The following PPIG variants were observed in gnomAD, a reference collection of about 807,000 sequenced individuals.
PPIG encodes the protein peptidyl-prolyl cis-trans isomerase G.
PPIG carries 26 observed loss-of-function variants against 87.9 expected under a neutral mutation model. The ratio of observed to expected loss-of-function variants is 0.30; its 90% CI spans 0.22 to 0.41. The LOEUF is 0.41. Ranked by LOEUF, PPIG falls within the 10% of genes least tolerant of loss-of-function variation. The probability of loss-of-function intolerance (pLI) is 1.00; values close to 1 mark genes in which losing one functional copy is unlikely to be tolerated. For missense variants in PPIG, 722 were observed against 879.4 expected (o/e 0.82, Z 2.26); for synonymous variants, 308 against 276.5 (o/e 1.11, Z -1.13).
chr2:169,614,759 CACA>C (rs777148029), intron 9 of PPIG, 35 bp downstream of exon 9: 1 of 1,564,012 alleles, frequency 6.4e-7, no homozygotes, highest in Non-Finnish European at 8.6e-7. Context: ...AGAATACTTA[CACA>C]TACAAAATAA....
In PPIG at chr2:169,616,042, C is replaced by T. The variant is rs188586244; in HGVS notation, c.547+1318C>T. Among the ~76,000 whole-genome samples, 233 of 152,226 alleles carry T rather than the reference C, an allele frequency of 1.5e-3. 1 individual carries two copies. The highest frequency in any genetic ancestry group is 2.3e-3 in the Non-Finnish European group (157 of 68,004). Reference sequence around the variant, plus strand: ...GACCCTGGTGTGTGATGTTCCTCTCCGTGTGTACATGTGTTCTCATTGTTC... The same window carrying T: ...GACCCTGGTGTGTGATGTTCCTCTCTGTGTGTACATGTGTTCTCATTGTTC... On this transcript the variant is annotated intron_variant, in intron 9 of 13. Coordinates refer to ENST00000260970, the MANE Select transcript of PPIG (RefSeq NM_004792.3).
chr2:169,626,550 C>T lies in PPIG; in HGVS notation c.548-4224C>T, dbSNP rs1390491676. Among the ~76,000 whole-genome samples the T allele has an allele frequency of 9.2e-5, 14 of 151,840 alleles. 1 individual carries two copies. The highest frequency in any genetic ancestry group is 9.2e-4 in the Admixed American group (14 of 15,236). On this transcript the variant is annotated intron_variant, in intron 9 of 13. Transcript: ENST00000260970. ...GGGATTACAGATACCCTCTACCATACTCAGCTAATTTTTGTATTTTTAGTA... is the reference window on the plus strand; with the variant it reads ...GGGATTACAGATACCCTCTACCATATTCAGCTAATTTTTGTATTTTTAGTA...
intron 6 of PPIG, 112 bp downstream of exon 6, chr2:169,607,260 C>T (rs771277671): frequency 1.6e-5 from 10 of 620,976 alleles, no homozygotes; most frequent in Non-Finnish European, 1.6e-5. Context: ...TGTCTAGCTG[C>T]CTTCAACTAA....
rs1339200920 is a variant in PPIG, at chr2:169,638,058, G to A, written c.*535G>A. 5 of 152,122 alleles carry A rather than the reference G, an allele frequency of 3.3e-5. No individual in the cohort carries two copies. Among genetic ancestry groups the A allele is most frequent in the Non-Finnish European group, 7.3e-5 (5 of 68,050 alleles). 9.4% of individuals were successfully genotyped at this position (152,122 alleles called of 1,614,324 possible). A position where few individuals can be genotyped will look rare whatever the true frequency, so the allele number is the denominator to read the frequency against. On this transcript the variant is annotated 3_prime_UTR_variant, in exon 14 of 14. Transcript: ENST00000260970. ...TTATAGTAATTTGTGCTTTAAAATAGATGTATTTATATTGCACTTCATACT... is the reference window on the plus strand; with the variant it reads ...TTATAGTAATTTGTGCTTTAAAATAAATGTATTTATATTGCACTTCATACT...
At chr2:169,599,474 A>C (rs1196951341) in intron 1 of PPIG, among the ~76,000 whole-genome samples, 1 of 152,310 alleles carries the variant, frequency 6.6e-6, no homozygotes, top group Admixed American at 6.5e-5. Context: ...TTAAAAAAAA[A>C]CCCAAGGACT....
chr2:169,629,832 A>G (rs1247198977), intron 9 of PPIG, among the ~76,000 whole-genome samples: 2 of 152,288 alleles, frequency 1.3e-5, no homozygotes, highest in South Asian at 2.1e-4. Context: ...CCCTTCATTC[A>G]TTTCATTAGC....
intron 9 of PPIG, 147 bp downstream of exon 9, chr2:169,614,871 C>T (rs1011675595): frequency 1.0e-6 from 1 of 993,618 alleles, no homozygotes; most frequent in African/African-American, 1.7e-5. Context: ...TTATTTTTTA[C>T]TTTTTTAAGT....
chr2:169,585,821 A>C (rs1413472066), intron 1 of PPIG, among the ~76,000 whole-genome samples: 2 of 152,180 alleles, frequency 1.3e-5, no homozygotes, highest in African/African-American at 4.8e-5. Context: ...AACTTTCAGT[A>C]GTTAAAACCA....
intron 1 of PPIG, among the ~76,000 whole-genome samples, chr2:169,596,150 G>C (rs1685010778): frequency 6.6e-6 from 1 of 151,504 alleles, no homozygotes; most frequent in Admixed American, 6.6e-5. Context: ...GCCCAGGCTG[G>C]AGTGCAGTGG....
intron 11 of PPIG, among the ~76,000 whole-genome samples, chr2:169,632,201 A>G (rs1463302694): frequency 6.6e-6 from 1 of 152,226 alleles, no homozygotes; most frequent in African/African-American, 2.4e-5. Flanking sequence ...CAAGCCAATA[A>G]CAAGATACTC....
At position 169,636,790 on chromosome 2, in the gene PPIG, A is replaced by G. The variant is rs1686191012; in HGVS notation, c.1532A>G (p.Gln511Arg). The part of the protein sequence containing the change: ...EKQSDSKGKD[Q>R]ERSRSKEKSK... ...CAGTCTGATTCTAAAGGAAAAGATC[A>G]GGAAAGGAGTAGAAGTAAAGAGAAG... Residue 511 changes from glutamine (Q) to arginine (R), a missense_variant, in exon 14 of 14, where the codon CAG becomes CGG. Physicochemically the swap from Gln to Arg is conservative, Grantham distance 43. Around this residue, in one of 4 missense-constraint regions of PPIG, gnomAD observed 476 missense variants for 483.1 expected, o/e 0.99. Coordinates refer to ENST00000260970, the MANE Select transcript of PPIG (RefSeq NM_004792.3). The G allele has an allele frequency of 6.2e-7, 1 of 1,612,340 alleles. No individual in the cohort carries two copies. The highest frequency in any genetic ancestry group is 1.3e-5 in the African/African-American group (1 of 74,706).
At chr2:169,634,187 A>C (rs1394007828) in intron 12 of PPIG, among the ~76,000 whole-genome samples, 2 of 151,888 alleles carry the variant, frequency 1.3e-5, no homozygotes, top group Admixed American at 6.6e-5. Flanking sequence ...CACCCTCCCA[A>C]GTAGCTGGGA....
At chr2:169,588,464 G>A (rs1684767075) in intron 1 of PPIG, among the ~76,000 whole-genome samples, 1 of 151,986 alleles carries the variant, frequency 6.6e-6, no homozygotes, top group Non-Finnish European at 1.5e-5. Flanking sequence ...TTGTCCTCTT[G>A]TTCTTGATCT....
intron 1 of PPIG, among the ~76,000 whole-genome samples, chr2:169,587,429 A>G (rs1559171946): frequency 6.6e-6 from 1 of 151,434 alleles, no homozygotes; most frequent in Non-Finnish European, 1.5e-5. Context: ...TTTTATAGAG[A>G]TGGGGTTTCA....
intron 9 of PPIG, among the ~76,000 whole-genome samples, chr2:169,621,751 T>G (rs1301827328): frequency 6.8e-6 from 1 of 147,918 alleles, no homozygotes; most frequent in Non-Finnish European, 1.5e-5. Flanking sequence ...TTTTTTTTAA[T>G]ATTTTAGTCT....
chr2:169,595,412 A>G (rs1684990422), intron 1 of PPIG, among the ~76,000 whole-genome samples: 1 of 152,208 alleles, frequency 6.6e-6, no homozygotes, highest in Admixed American at 6.5e-5. Flanking sequence ...TTTGTTACAA[A>G]CAATCCAGTT....
At chr2:169,614,847 G>A in intron 9 of PPIG, 123 bp downstream of exon 9, 1 of 1,142,662 alleles carries the variant, frequency 8.8e-7, no homozygotes, top group Non-Finnish European at 1.2e-6. Context: ...GTTTTAAAAT[G>A]TATTTCTGTG....
At position 169,628,300 on chromosome 2, in the gene PPIG, TAAGG is replaced by T. The variant is rs1255267185; in HGVS notation, c.548-2468_548-2465del. On this transcript the variant is annotated intron_variant, in intron 9 of 13. Coordinates refer to ENST00000260970, the MANE Select transcript of PPIG (RefSeq NM_004792.3). ...CCTGTTCCTTAGAAACATAACTGGG[TAAGG>T]AAGGATTATCTTAGTTCAGTGAAGC... 3.3e-5 allele frequency among the ~76,000 whole-genome samples: 5 copies of T among 152,110 alleles called. No homozygotes were observed. In the East Asian group the frequency reaches 9.6e-4, roughly 29 times the overall value.
At position 169,602,798 on chromosome 2, in the gene PPIG, T is replaced by A. The variant is rs561384045; in HGVS notation, c.-69-844T>A. Among the ~76,000 whole-genome samples the A allele has an allele frequency of 5.3e-5, 8 of 152,284 alleles. No homozygotes were observed. In the East Asian group the frequency reaches 1.5e-3, roughly 29 times the overall value. ...TAAGGTTTGTGTTTTAAAAGAATCA[T>A]TCCACTCTGGCTATTTTGTGCAGAA... is the stretch of plus-strand genomic sequence containing the variant. On this transcript the variant is annotated intron_variant, in intron 1 of 13. Coordinates refer to ENST00000260970, the MANE Select transcript of PPIG (RefSeq NM_004792.3).
Sources: allele counts gnomAD v4.1 joint callset (sites outside exome capture counted in the v4.1 genomes callset), GRCh38; gene constraint gnomAD v4.1.1; regional missense constraint gnomAD v4.1.1; transcripts MANE v1.5; gene names NCBI Gene and HGNC (gene_info 2026-07-23, HGNC 2026-07-21).